RNF220: variants seen among roughly 807,000 people sequenced by gnomAD.
RNF220 encodes the protein E3 ubiquitin-protein ligase RNF220.
A neutral mutation model predicts 67.1 loss-of-function variants in RNF220; 7 were observed. The observed-to-expected ratio is 0.10, with a 90% confidence interval of 0.06 to 0.20. RNF220 has a LOEUF of 0.20. Among genes scored for constraint, RNF220 ranks in the 10% least tolerant of loss-of-function variants. The pLI is 1.00. For missense variants in RNF220, 565 were observed against 740.3 expected, an observed-to-expected ratio of 0.76 and a Z score of 2.75; for synonymous variants, 270 against 283.2, an observed-to-expected ratio of 0.95 and a Z score of 0.47.
At chr1:44,587,432 C>T (rs1256069473) in intron 2 of RNF220, among the ~76,000 whole-genome samples, 3 of 152,200 alleles carry the variant, frequency 2.0e-5, no homozygotes, top group Non-Finnish European at 4.4e-5. Flanking sequence ...CAGGCATGAG[C>T]CACCACGCCC....
At chr1:44,465,250 G>T (rs972750962) in intron 2 of RNF220, among the ~76,000 whole-genome samples, 2 of 152,030 alleles carry the variant, frequency 1.3e-5, no homozygotes, top group East Asian at 1.9e-4. Flanking sequence ...GGAAAAGCAG[G>T]TTACTGAATC....
intron 2 of RNF220, among the ~76,000 whole-genome samples, chr1:44,579,016 A>T (rs1647271758): frequency 6.6e-6 from 1 of 151,750 alleles, no homozygotes; most frequent in African/African-American, 2.4e-5. Context: ...ATACAAAAAA[A>T]TTACAGGCAG....
In RNF220 at chr1:44,412,673, C is replaced by T. The variant is rs1648086474; in HGVS notation, c.576C>T (p.Leu192=). The change falls in exon 2 of 15, where the codon CTC becomes CTT. Residue 192 remains leucine, a synonymous_variant. Coordinates refer to ENST00000361799, the MANE Select transcript of RNF220 (RefSeq NM_018150.4). The surrounding 1 kb of genome is among the most constrained non-coding windows in gnomAD (Gnocchi z 5.3). The part of the protein sequence containing the change: ...TGKKIFAVSG[L]ISDREASSSP... ...AGAAGATTTTTGCTGTCTCTGGCCT[C>T]ATTTCTGATCGGGAAGCCTCATCTA... 3 of 1,614,046 alleles carry T rather than the reference C, an allele frequency of 1.9e-6. No individual in the cohort carries two copies. Among genetic ancestry groups the T allele is most frequent in the African/African-American group, 1.3e-5 (1 of 74,918 alleles).
intron 2 of RNF220, among the ~76,000 whole-genome samples, chr1:44,489,452 C>T (rs963579762): frequency 6.6e-6 from 1 of 152,182 alleles, no homozygotes; most frequent in African/African-American, 2.4e-5. Flanking sequence ...GGGAGCTCCT[C>T]GTATTCTTTG....
chr1:44,552,865 G>A (rs899241426), intron 2 of RNF220, among the ~76,000 whole-genome samples: 14 of 152,032 alleles, frequency 9.2e-5, no homozygotes, highest in East Asian at 5.8e-4. Context: ...CACTGCGCCC[G>A]GCCTCTAAAC....
chr1:44,550,673 C>A (rs887676161), intron 2 of RNF220, among the ~76,000 whole-genome samples: 1 of 152,176 alleles, frequency 6.6e-6, no homozygotes, highest in East Asian at 1.9e-4. Context: ...TCATACCTTA[C>A]CTTATCCCAG....
intron 2 of RNF220, among the ~76,000 whole-genome samples, chr1:44,538,862 G>A (rs1661444622): frequency 6.8e-6 from 1 of 147,688 alleles, no homozygotes; most frequent in Non-Finnish European, 1.5e-5. Context: ...GCTGCAGTGA[G>A]CTGAGATCAT....
intron 2 of RNF220, among the ~76,000 whole-genome samples, chr1:44,446,536 G>A (rs1199196734): frequency 6.6e-6 from 1 of 151,798 alleles, no homozygotes; most frequent in Non-Finnish European, 1.5e-5. Flanking sequence ...CAAAAAGAGG[G>A]ACCGGGCCGT....
At chr1:44,463,658 A>G (rs1653999988) in intron 2 of RNF220, among the ~76,000 whole-genome samples, 1 of 152,120 alleles carries the variant, frequency 6.6e-6, no homozygotes, top group Admixed American at 6.5e-5. Context: ...GTAAAGCAAT[A>G]TCATCTCGAG....
At chr1:44,494,264 G>A (rs1193203668) in intron 2 of RNF220, among the ~76,000 whole-genome samples, 1 of 151,730 alleles carries the variant, frequency 6.6e-6, no homozygotes, top group Non-Finnish European at 1.5e-5. Context: ...GGTGGGGATG[G>A]TGGAGAAGGG....
intron 1 of RNF220, among the ~76,000 whole-genome samples, chr1:44,410,281 C>T: frequency 6.6e-6 from 1 of 152,128 alleles, no homozygotes; most frequent in East Asian, 1.9e-4. Flanking sequence ...TTGGAACAGC[C>T]CTAGACCCAC....
chr1:44,407,590 T>TG (rs1437096073), intron 1 of RNF220, among the ~76,000 whole-genome samples: 1 of 151,962 alleles, frequency 6.6e-6, no homozygotes, highest in East Asian at 1.9e-4. Flanking sequence ...GCGCCGCTGG[T>TG]GGCCGACAGG....
chr1:44,469,061 CAG>C (rs1277636036), intron 2 of RNF220, among the ~76,000 whole-genome samples: 2 of 151,854 alleles, frequency 1.3e-5, no homozygotes, highest in East Asian at 3.9e-4. Context: ...AAAAAATTAA[CAG>C]AAGAGGGTAA....
chr1:44,502,485 GCCTCATCTT>G lies in RNF220; in HGVS notation c.625+89767_625+89775del, dbSNP rs371743173. On this transcript the variant is annotated intron_variant, in intron 2 of 14. Transcript: ENST00000361799. ...GTAATAACCATCTGCATGGTATTAG[GCCTCATCTT>G]CCTGGAGCAAATATTCATGCACTAA... Among the ~76,000 whole-genome samples, 831 of 152,254 alleles carry G rather than the reference GCCTCATCTT, an allele frequency of 5.5e-3. 12 individuals carry two copies. The highest frequency in any genetic ancestry group is 0.018 in the African/African-American group (758 of 41,534).
chr1:44,636,361 G>A, intron 8 of RNF220, 199 bp downstream of exon 8: 3 of 771,630 alleles, frequency 3.9e-6, no homozygotes, highest in Non-Finnish European at 6.9e-6. Flanking sequence ...TATTTGGGTG[G>A]GGAAATGGAA....
intron 2 of RNF220, among the ~76,000 whole-genome samples, chr1:44,457,979 A>C (rs2147948881): frequency 6.6e-6 from 1 of 152,300 alleles, no homozygotes; most frequent in East Asian, 1.9e-4. Flanking sequence ...CAAGAAAGCC[A>C]GGTGTGATGG....
chr1:44,509,968 G>C (rs960223296), intron 2 of RNF220, among the ~76,000 whole-genome samples: 1 of 151,208 alleles, frequency 6.6e-6, no homozygotes, highest in African/African-American at 2.4e-5. Flanking sequence ...AATGATTACA[G>C]GTTCAATGCC....
At chr1:44,531,245 C>T (rs1380680744) in intron 2 of RNF220, among the ~76,000 whole-genome samples, 1 of 152,182 alleles carries the variant, frequency 6.6e-6, no homozygotes, top group East Asian at 1.9e-4. Context: ...CTTCACAATC[C>T]AGCCCAAACT....
At chr1:44,528,095 T>C (rs1413374635) in intron 2 of RNF220, among the ~76,000 whole-genome samples, 1 of 152,004 alleles carries the variant, frequency 6.6e-6, no homozygotes, top group Non-Finnish European at 1.5e-5. Context: ...AAATGCCACC[T>C]GAAAAACAAA....
Sources: allele counts gnomAD v4.1 joint callset (sites outside exome capture counted in the v4.1 genomes callset), GRCh38; gene constraint gnomAD v4.1.1; non-coding constraint Gnocchi (gnomAD v3.1); transcripts MANE v1.5; gene names NCBI Gene and HGNC (gene_info 2026-07-23, HGNC 2026-07-21).